The following DNAH11 variants were observed in gnomAD, a reference collection of about 807,000 sequenced individuals.
DNAH11 encodes the protein axonemal beta dynein heavy chain 11.
A neutral mutation model predicts 526.0 loss-of-function variants in DNAH11; 442 were observed. The observed-to-expected ratio is 0.84, with a 90% CI of 0.78 to 0.91. The LOEUF (loss-of-function observed/expected upper bound fraction) is 0.91, where lower values mean the gene tolerates loss of function less well. DNAH11 is among the 40% of genes least tolerant of loss of function. DNAH11 has a pLI of 0.00. For missense variants in DNAH11, 6,989 were observed against 5,448.7 expected, an observed-to-expected ratio of 1.28 and a Z score of -8.90; for synonymous variants, 2,461 against 1,935.9, an observed-to-expected ratio of 1.27 and a Z score of -7.12.
In DNAH11 at chr7:21,789,808, TTTTCTTTCTTTC is replaced by T. The variant is rs1554281335; in HGVS notation, c.10026+500_10026+511del. On this transcript the variant is annotated intron_variant, in intron 61 of 81. Transcript: ENST00000409508. Reference sequence around the variant, plus strand: ...TTCTTTCTTTCTTTCTTTCTTTCTTTTTTCTTTCTTTCTTTCTTTCTTTCTTTCTTTCTTTCT... The same window carrying T: ...TTCTTTCTTTCTTTCTTTCTTTCTTTTTTCTTTCTTTCTTTCTTTCTTTCT... Among the ~76,000 whole-genome samples the T allele has an allele frequency of 1.1e-3, 39 of 34,122 alleles. 1 individual carries two copies. The highest frequency in any genetic ancestry group is 1.6e-3 in the Non-Finnish European group (21 of 13,494). 22.4% of individuals were successfully genotyped at this position (34,122 alleles called of 152,430 possible). A position where few individuals can be genotyped will look rare whatever the true frequency, so the allele number is the denominator to read the frequency against.
chr7:21,865,235 C>G (rs994593825), intron 70 of DNAH11, among the ~76,000 whole-genome samples: 5 of 152,174 alleles, frequency 3.3e-5, no homozygotes, highest in Non-Finnish European at 7.3e-5. Context: ...TCAACATATG[C>G]TAAGCTTTGC....
At chr7:21,598,961 C>A (rs902862913) in intron 14 of DNAH11, among the ~76,000 whole-genome samples, 4 of 152,162 alleles carry the variant, frequency 2.6e-5, no homozygotes, top group Admixed American at 2.0e-4. Context: ...TATACACGTA[C>A]CACATTTTCT....
At chr7:21,828,015 C>T (rs796837629) in intron 65 of DNAH11, among the ~76,000 whole-genome samples, 18 of 151,418 alleles carry the variant, frequency 1.2e-4, no homozygotes, top group African/African-American at 3.6e-4. Context: ...GTGGTGTAAT[C>T]GTGGCTCACT....
At position 21,543,185 on chromosome 7, in the gene DNAH11, G is replaced by A. The variant is rs553424997; in HGVS notation, c.-61G>A. 38 of 1,452,932 alleles carry A rather than the reference G, an allele frequency of 2.6e-5. No homozygotes were observed. In the Admixed American group the frequency reaches 3.8e-4, roughly 15 times the overall value. The allele number at this position is 1,452,932 out of a possible 1,614,324, so 90.0% of individuals were successfully genotyped here. A position where few individuals can be genotyped will look rare whatever the true frequency, so the allele number is the denominator to read the frequency against. On this transcript the variant is annotated 5_prime_UTR_variant, in exon 1 of 82. Coordinates refer to ENST00000409508, the MANE Select transcript of DNAH11 (RefSeq NM_001277115.2). ...TGCGGAGGTGTCCTCGCTCACTTCG[G>A]GGGGCCCAGAGTCTCGGGTGAGGAG...
At chr7:21,585,754 G>T (rs539543689) in intron 9 of DNAH11, among the ~76,000 whole-genome samples, 83 of 152,220 alleles carry the variant, frequency 5.5e-4, no homozygotes, top group Non-Finnish European at 8.8e-5. Context: ...GCGCACCTAG[G>T]AAAAATATAA....
chr7:21,887,442 T>C (rs796902736), intron 76 of DNAH11, among the ~76,000 whole-genome samples: 21 of 152,306 alleles, frequency 1.4e-4, no homozygotes, highest in South Asian at 6.2e-4. Flanking sequence ...ATTTTAGTAA[T>C]ATAGAATAAC....
chr7:21,710,796 C>T (rs1009919351), intron 41 of DNAH11, 93 bp downstream of exon 41: 2 of 1,266,270 alleles, frequency 1.6e-6, no homozygotes, highest in South Asian at 1.8e-5. Flanking sequence ...AGTTTTTGCT[C>T]ATTAACCTGG....
intron 14 of DNAH11, among the ~76,000 whole-genome samples, chr7:21,593,879 C>A (rs1328599999): frequency 6.6e-6 from 1 of 151,962 alleles, no homozygotes; most frequent in East Asian, 1.9e-4. Flanking sequence ...GACCCCCTCC[C>A]CTGCCCCTGC....
chr7:21,593,093 C>T (rs1784745003), intron 14 of DNAH11, among the ~76,000 whole-genome samples: 1 of 151,892 alleles, frequency 6.6e-6, no homozygotes, highest in African/African-American at 2.4e-5. Flanking sequence ...GAAAAGAGGC[C>T]CAAAAACTAG....
chr7:21,717,775 G>A lies in DNAH11; in HGVS notation c.6984G>A (p.Pro2328=), dbSNP rs761918179. Residue 2328 remains proline, a splice_region_variant and synonymous_variant, in exon 43 of 82, where the codon CCG becomes CCA. Transcript: ENST00000409508. ...AAAGCTTTTCTGTGTTCCTTTTCAGGTATGTGGCCAGTTGGATAGACAGAA... is the reference window on the plus strand; with the variant it reads ...AAAGCTTTTCTGTGTTCCTTTTCAGATATGTGGCCAGTTGGATAGACAGAA... ...YVNPQDLGWN[P]YVASWIDRRR... is the part of the protein sequence containing the mutation. The A allele has an allele frequency of 3.3e-5, 53 of 1,613,504 alleles. No homozygotes were observed. The South Asian group carries it at 3.3e-4, about 10-fold the overall frequency.
intron 65 of DNAH11, among the ~76,000 whole-genome samples, chr7:21,822,790 T>C (rs1306549824): frequency 6.6e-6 from 1 of 152,230 alleles, no homozygotes; most frequent in South Asian, 2.1e-4. Context: ...TTTTTGATAA[T>C]AGCCATTCTA....
intron 44 of DNAH11, among the ~76,000 whole-genome samples, chr7:21,722,695 A>G (rs1784926875): frequency 6.6e-6 from 1 of 152,070 alleles, no homozygotes; most frequent in Non-Finnish European, 1.5e-5. Flanking sequence ...ACTGTGTGAG[A>G]GTCAAGTGTT....
intron 42 of DNAH11, 140 bp downstream of exon 42, chr7:21,712,000 A>C (rs553546823): frequency 9.7e-7 from 1 of 1,026,902 alleles, no homozygotes; most frequent in African/African-American, 1.6e-5. Flanking sequence ...TATCTTCCCA[A>C]AGTGACACTC....
chr7:21,900,781 C>G (rs1249796265), intron 81 of DNAH11: 1 of 463,990 alleles, frequency 2.2e-6, no homozygotes, highest in Non-Finnish European at 3.5e-6. Context: ...CTTACTTCCA[C>G]AGGAAAGTTT....
At chr7:21,629,257 A>G (rs553904276) in intron 25 of DNAH11, among the ~76,000 whole-genome samples, 2 of 152,064 alleles carry the variant, frequency 1.3e-5, no homozygotes, top group Admixed American at 6.6e-5. Flanking sequence ...ATTTCATTGT[A>G]ATCAGAAAAG....
chr7:21,543,556 T>G lies in DNAH11; in HGVS notation c.311T>G (p.Phe104Cys). ...LESTSPACLV[F>C]SFAASGRLAA... is the part of the protein sequence containing the mutation. The stretch of plus-strand genomic sequence containing the variant: ...AGCACCAGCCCGGCTTGCCTTGTGT[T>G]TAGCTTCGCCGCCTCGGGGCGCCTT... Residue 104 changes from phenylalanine (F) to cysteine (C), a missense_variant, in exon 1 of 82, where the codon TTT becomes TGT. Physicochemically the swap from Phe to Cys is radical, Grantham distance 205 (BLOSUM62 -2). Coordinates refer to ENST00000409508, the MANE Select transcript of DNAH11 (RefSeq NM_001277115.2). 6.2e-7 allele frequency: 1 copy of G among 1,607,360 alleles called. No homozygotes were observed. Among genetic ancestry groups the G allele is most frequent in the Non-Finnish European group, 8.5e-7 (1 of 1,176,876 alleles).
rs1344897164 is a variant in DNAH11 at position 21,901,398 on chromosome 7, G to A, written c.*144G>A. On this transcript the variant is annotated 3_prime_UTR_variant, in exon 82 of 82. Coordinates refer to ENST00000409508, the MANE Select transcript of DNAH11 (RefSeq NM_001277115.2). ...TTTCAACGCTATCCTTAGAGTGAAA[G>A]TCAGAAAAAAATACTAGAAACTAAC... is the stretch of plus-strand genomic sequence containing the variant. The A allele has an allele frequency of 7.5e-6, 9 of 1,201,364 alleles. No homozygotes were observed. The East Asian group carries it at 2.6e-4, about 35-fold the overall frequency. The allele number at this position is 1,201,364 out of a possible 1,614,324, so 74.4% of individuals were successfully genotyped here.
At chr7:21,845,698 C>G (rs1398859839) in intron 66 of DNAH11, among the ~76,000 whole-genome samples, 2 of 151,952 alleles carry the variant, frequency 1.3e-5, no homozygotes, top group East Asian at 3.9e-4. Flanking sequence ...TTTGATGATT[C>G]TGGATCTTAT....
chr7:21,866,737 T>C (rs1268978095), intron 71 of DNAH11, 74 bp downstream of exon 71: 2 of 1,448,708 alleles, frequency 1.4e-6, no homozygotes, highest in African/African-American at 2.8e-5. Flanking sequence ...GTTAGGAGGA[T>C]CTGGTGGAAG....
Sources: allele counts gnomAD v4.1 joint callset (sites outside exome capture counted in the v4.1 genomes callset), GRCh38; gene constraint gnomAD v4.1.1; transcripts MANE v1.5; gene names NCBI Gene and HGNC (gene_info 2026-07-23, HGNC 2026-07-21).